Variants in SGCG observed in about 807,000 individuals in gnomAD.
SGCG encodes sarcoglycan gamma.
Under a neutral mutation model 29.3 loss-of-function variants are expected in SGCG, and 26 were observed. The ratio of observed to expected loss-of-function variants is 0.89; its 90% CI spans 0.65 to 1.23. SGCG has a LOEUF of 1.23. Among genes scored for constraint, SGCG ranks in the 50% most tolerant of loss-of-function variants. SGCG has a pLI of 0.00. For missense variants in SGCG, 353 were observed against 356.0 expected (o/e 0.99, Z 0.07); for synonymous variants, 145 against 129.7 (o/e 1.12, Z -0.80).
intron 1 of SGCG, among the ~76,000 whole-genome samples, chr13:23,189,267 C>T (rs1309001375): frequency 1.3e-5 from 2 of 152,210 alleles, no homozygotes; most frequent in African/African-American, 2.4e-5. Context: ...ACCTCCGCCT[C>T]CTGGGTTCAA....
intron 2 of SGCG, among the ~76,000 whole-genome samples, chr13:23,207,086 A>AT (rs775081601): frequency 1.9e-4 from 29 of 152,234 alleles, no homozygotes; most frequent in Non-Finnish European, 2.9e-4. Context: ...AGCTATCGTA[A>AT]TTTAAACAGT....
intron 5 of SGCG, among the ~76,000 whole-genome samples, chr13:23,283,201 A>T (rs984538732): frequency 6.6e-6 from 1 of 152,088 alleles, no homozygotes; most frequent in African/African-American, 2.4e-5. Flanking sequence ...TAATGTGTCT[A>T]ATATTGACAG....
intron 4 of SGCG, among the ~76,000 whole-genome samples, chr13:23,267,017 G>A (rs1430722591): frequency 5.3e-5 from 8 of 152,120 alleles, no homozygotes; most frequent in Non-Finnish European, 4.4e-5. Flanking sequence ...TCAAATCTGT[G>A]AAATAAAAGA....
At chr13:23,241,188 C>A (rs1879497833) in intron 3 of SGCG, among the ~76,000 whole-genome samples, 1 of 150,404 alleles carries the variant, frequency 6.6e-6, no homozygotes, top group Non-Finnish European at 1.5e-5. Context: ...TCGATGACCT[C>A]AGTTTCATCC....
chr13:23,232,905 T>A (rs1056719485), intron 2 of SGCG, among the ~76,000 whole-genome samples: 1 of 152,212 alleles, frequency 6.6e-6, no homozygotes, highest in African/African-American at 2.4e-5. Context: ...ATGGCTGCTA[T>A]CAAACAGAAA....
chr13:23,299,661 C>G (rs959534221), intron 6 of SGCG, among the ~76,000 whole-genome samples: 3 of 150,958 alleles, frequency 2.0e-5, no homozygotes, highest in Non-Finnish European at 3.0e-5. Context: ...ACTGTGTTAG[C>G]CAGGATGGTC....
chr13:23,235,818 G>A (rs1450161377), intron 3 of SGCG, among the ~76,000 whole-genome samples: 1 of 152,164 alleles, frequency 6.6e-6, no homozygotes, highest in Non-Finnish European at 1.5e-5. Flanking sequence ...TGCAGAGGCT[G>A]TACCAGCCAC....
intron 6 of SGCG, among the ~76,000 whole-genome samples, chr13:23,309,638 G>A (rs1407057462): frequency 6.6e-6 from 1 of 152,098 alleles, no homozygotes; most frequent in East Asian, 1.9e-4. Context: ...GTCTGCTATA[G>A]GTTTTTGGTA....
chr13:23,300,897 T>C (rs9510690), intron 6 of SGCG, among the ~76,000 whole-genome samples: 109,041 of 150,970 alleles, frequency 0.72, 41,237 homozygotes, highest in East Asian at 0.89. Context: ...GGGCAGATCA[T>C]GAGGTCAGGA....
intron 2 of SGCG, among the ~76,000 whole-genome samples, chr13:23,209,233 T>C (rs564303598): frequency 1.3e-5 from 2 of 152,288 alleles, no homozygotes; most frequent in African/African-American, 2.4e-5. Context: ...ATAAGTTACA[T>C]TGCCCTTTTT....
chr13:23,240,642 A>C (rs773552364), intron 3 of SGCG, among the ~76,000 whole-genome samples: 8 of 152,242 alleles, frequency 5.3e-5, no homozygotes, highest in Non-Finnish European at 8.8e-5. Flanking sequence ...GGGTTTAATA[A>C]GACAACTATA....
chr13:23,236,208 G>C, intron 3 of SGCG, among the ~76,000 whole-genome samples: 1 of 152,136 alleles, frequency 6.6e-6, no homozygotes, highest in East Asian at 1.9e-4. Flanking sequence ...TTTTGTAAAA[G>C]GGGAAGTCAG....
At chr13:23,285,665 A>T (rs1252272228) in intron 5 of SGCG, among the ~76,000 whole-genome samples, 2 of 151,742 alleles carry the variant, frequency 1.3e-5, no homozygotes, top group South Asian at 2.1e-4. Flanking sequence ...ATGAAAAAAA[A>T]CTCCTGCAGC....
intron 1 of SGCG, among the ~76,000 whole-genome samples, chr13:23,190,321 T>A (rs748424156): frequency 6.6e-6 from 1 of 152,186 alleles, no homozygotes; most frequent in Non-Finnish European, 1.5e-5. Context: ...TTTGTCAAGA[T>A]GGATGTAGTA....
At chr13:23,249,625 A>AT (rs1593197077) in intron 3 of SGCG, among the ~76,000 whole-genome samples, 2 of 152,062 alleles carry the variant, frequency 1.3e-5, no homozygotes, top group Non-Finnish European at 2.9e-5. Context: ...GGTAAAATTG[A>AT]TTTTTTTTAA....
chr13:23,273,642 A>G (rs1477897302), intron 4 of SGCG, among the ~76,000 whole-genome samples: 1 of 152,266 alleles, frequency 6.6e-6, no homozygotes, highest in East Asian at 1.9e-4. Context: ...AGTTATTTAA[A>G]GAGAGACTTT....
chr13:23,233,641 AC>A (rs1242947089), intron 2 of SGCG, among the ~76,000 whole-genome samples: 2 of 152,156 alleles, frequency 1.3e-5, no homozygotes, highest in African/African-American at 4.8e-5. Context: ...ACTTAATAGC[AC>A]AGATCTGTAC....
At chr13:23,245,425 A>G (rs1016280353) in intron 3 of SGCG, 12 of 152,102 alleles carry the variant, frequency 7.9e-5, no homozygotes, top group African/African-American at 2.9e-4. Flanking sequence ...ATCCTGGGAG[A>G]TGACATGCCA....
intron 4 of SGCG, among the ~76,000 whole-genome samples, chr13:23,278,169 C>T (rs12875989): frequency 6.6e-6 from 1 of 152,008 alleles, no homozygotes; most frequent in Non-Finnish European, 1.5e-5. Flanking sequence ...ATAGGCCAGA[C>T]ATGGTGGCTC....
Sources: allele counts gnomAD v4.1 joint callset (sites outside exome capture counted in the v4.1 genomes callset), GRCh38; gene constraint gnomAD v4.1.1; transcripts MANE v1.5; gene names NCBI Gene and HGNC (gene_info 2026-07-23, HGNC 2026-07-21).